DNHD1: variants seen among roughly 807,000 people sequenced by gnomAD.
DNHD1 encodes dynein heavy chain domain-containing protein 1.
In DNHD1, 383 loss-of-function variants were observed where a neutral mutation model predicts 458.1. That is an observed-to-expected ratio of 0.84 (90% CI 0.77 to 0.91). The LOEUF is 0.91. Among genes scored for constraint, DNHD1 ranks in the 40% least tolerant of loss-of-function variants. The pLI is 0.00. For missense variants in DNHD1, 5,336 were observed against 5,866.1 expected (o/e 0.91, Z 2.95); for synonymous variants, 2,203 against 2,376.9 (o/e 0.93, Z 2.13).
rs988854091 is a variant in DNHD1 at position 6,557,345 on chromosome 11, C to T, written c.8050C>T (p.Pro2684Ser). 1 of 1,551,356 alleles carries T rather than the reference C, an allele frequency of 6.4e-7. No individual in the cohort carries two copies. Among genetic ancestry groups the T allele is most frequent in the Non-Finnish European group, 8.7e-7 (1 of 1,147,042 alleles). Residue 2684 changes from proline (P) to serine (S), a missense_variant, in exon 25 of 43, where the codon CCA becomes TCA. Around this residue, in one of 4 missense-constraint regions of DNHD1, gnomAD observed 3,932 missense variants for 4,365.6 expected, o/e 0.90. Coordinates refer to ENST00000254579, the MANE Select transcript of DNHD1 (RefSeq NM_144666.3). ...AGCTCAAAGTGTCTTCTGCTGTGGGCCAGGGCCCCAGCACCTGGGCAAGGA... is the reference window on the plus strand; with the variant it reads ...AGCTCAAAGTGTCTTCTGCTGTGGGTCAGGGCCCCAGCACCTGGGCAAGGA... ...VVAQSVFCCG[P>S]GPQHLGKDHQ...
In DNHD1 at chr11:6,546,735, G is replaced by T; in HGVS notation, c.5796G>T (p.Leu1932Phe). The change falls in exon 21 of 43, where the codon TTG (leucine) becomes TTT (phenylalanine). Residue 1932 changes from leucine (L) to phenylalanine (F), a missense_variant. Around this residue, in one of 4 missense-constraint regions of DNHD1, gnomAD observed 3,932 missense variants for 4,365.6 expected, o/e 0.90. Transcript: ENST00000254579. ...ACCTGCACAACCTCCGAGGGCTGTT[G>T]TGTGCGCTTTTCCCTAGCGCCAGCC... ...GLHLHNLRGL[L>F]CALFPSASQV... 6.4e-7 allele frequency: 1 copy of T among 1,551,766 alleles called. No homozygotes were observed. Among genetic ancestry groups the T allele is most frequent in the South Asian group, 1.2e-5 (1 of 84,066 alleles).
chr11:6,571,501 G>C lies in DNHD1; in HGVS notation c.13911+78G>C. 6.8e-7 allele frequency: 1 copy of C among 1,471,218 alleles called. No individual in the cohort carries two copies. Among genetic ancestry groups the C allele is most frequent in the South Asian group, 1.4e-5 (1 of 71,718 alleles). The allele number at this position is 1,471,218 out of a possible 1,614,324, so 91.1% of individuals were successfully genotyped here. On this transcript the variant is annotated intron_variant, in intron 42 of 42. Transcript: ENST00000254579. The surrounding 1 kb of genome is among the most constrained non-coding windows in gnomAD (Gnocchi z 5.0). ...TTACACCTCGCAGTTACCCCTTCTT[G>C]GTGATCTTGCCCCCGGTAACCCTGC...
At chr11:6,559,324 C>A in intron 28 of DNHD1, 41 bp downstream of exon 28, 1 of 1,516,630 alleles carries the variant, frequency 6.6e-7, no homozygotes, top group Non-Finnish European at 8.9e-7. Context: ...GGTGTCAAAG[C>A]AGGAGCCCAA....
chr11:6,556,164 C>T (rs1318937434), intron 24 of DNHD1, among the ~76,000 whole-genome samples: 1 of 152,002 alleles, frequency 6.6e-6, no homozygotes, highest in Non-Finnish European at 1.5e-5. Flanking sequence ...TTTGTAGAAA[C>T]AAGGTCTTGC....
intron 24 of DNHD1, among the ~76,000 whole-genome samples, chr11:6,551,695 C>T (rs1345899653): frequency 6.6e-6 from 1 of 152,180 alleles, no homozygotes; most frequent in Non-Finnish European, 1.5e-5. Context: ...GTAATCCCGG[C>T]ACTTTGGGAG....
intron 32 of DNHD1, 145 bp downstream of exon 32, chr11:6,564,949 A>G: frequency 1.5e-6 from 1 of 687,094 alleles, no homozygotes; most frequent in Non-Finnish European, 2.4e-6. Context: ...CTATAGGAAC[A>G]AATTTGGTCA....
rs1436668336 is a variant in DNHD1 at position 6,559,221 on chromosome 11, G to A, written c.9457G>A (p.Glu3153Lys). ...GGAGAATCTGAGAATGCTGATTAAG[G>A]AGCACGGTACCCATGCCAATCTGAT... ...ALENLRMLIKEHGTHANLIFD... is the reference protein window; with the variant it reads ...ALENLRMLIKKHGTHANLIFD... The change falls in exon 28 of 43, where the codon GAG becomes AAG. Residue 3153 changes from glutamate (E) to lysine (K), a missense_variant. Transcript: ENST00000254579. 1 of 1,551,644 alleles carries A rather than the reference G, an allele frequency of 6.4e-7. No homozygotes were observed. Among genetic ancestry groups the A allele is most frequent in the Admixed American group, 2.0e-5 (1 of 50,994 alleles).
chr11:6,528,638 A>G lies in DNHD1; in HGVS notation c.1954A>G (p.Lys652Glu), dbSNP rs1421484481. 1.9e-6 allele frequency: 3 copies of G among 1,551,608 alleles called. No homozygotes were observed. The Admixed American group carries it at 5.9e-5, about 30-fold the overall frequency. The change falls in exon 11 of 43, where the codon AAG (lysine) becomes GAG (glutamate). Residue 652 changes from lysine (K) to glutamate (E), a missense_variant. By Grantham distance (56) the Lys-to-Glu change is moderately conservative. Around this residue, in one of 4 missense-constraint regions of DNHD1, gnomAD observed 3,932 missense variants for 4,365.6 expected, o/e 0.90. Transcript: ENST00000254579. ...GAATGTGGGATTGGTGTGGCCCTGGAAGTCTCACCCAATTGCTGGTATCTT... is the reference window on the plus strand; with the variant it reads ...GAATGTGGGATTGGTGTGGCCCTGGGAGTCTCACCCAATTGCTGGTATCTT... ...GPNVGLVWPW[K>E]SHPIAGILEV...
Position 6,498,591 on chromosome 11 carries a change from C to T in DNHD1, c.376C>T (p.Leu126=). 2.5e-6 allele frequency: 4 copies of T among 1,614,122 alleles called. No individual in the cohort carries two copies. Among genetic ancestry groups the T allele is most frequent in the East Asian group, 2.2e-5 (1 of 44,902 alleles). ...PWVQTHLHLD[L]LGAIVQAFPP... The stretch of plus-strand genomic sequence containing the variant: ...GGTCCAAACCCACCTCCATCTGGAC[C>T]TGCTAGGTGCCATTGTCCAGGCCTT... Residue 126 remains leucine, a synonymous_variant, in exon 3 of 43, where the codon CTG becomes TTG. Coordinates refer to ENST00000254579, the MANE Select transcript of DNHD1 (RefSeq NM_144666.3).
rs766844498 is a variant in DNHD1, at chr11:6,546,903, T to C, written c.5964T>C (p.Ile1988=). 2.3e-5 allele frequency: 36 copies of C among 1,551,574 alleles called. No individual in the cohort carries two copies. Among genetic ancestry groups the C allele is most frequent in the Non-Finnish European group, 3.1e-5 (35 of 1,146,978 alleles). The change falls in exon 21 of 43, where the codon ATT becomes ATC. Residue 1988 remains isoleucine, a synonymous_variant. Transcript: ENST00000254579. ...AGGCCCTGAGCCGGGCCTCAGGCAT[T>C]CTGCTCCTGGGCCCTGCGGGCAGCG... The part of the protein sequence containing the change: ...LSQALSRASG[I]LLLGPAGSGK...
At chr11:6,515,216 T>A (rs975365134) in intron 7 of DNHD1, among the ~76,000 whole-genome samples, 3 of 152,232 alleles carry the variant, frequency 2.0e-5, no homozygotes, top group Admixed American at 6.5e-5. Flanking sequence ...CTCCTGTATA[T>A]GTCAGTATGT....
chr11:6,520,335 A>C (rs1011604066), intron 10 of DNHD1, 46 bp downstream of exon 10: 17 of 1,551,392 alleles, frequency 1.1e-5, no homozygotes, highest in Non-Finnish European at 1.4e-5. Context: ...TGAAGGAGGG[A>C]AAGGGCACAA....
At position 6,545,909 on chromosome 11, in the gene DNHD1, G is replaced by C; in HGVS notation, c.4970G>C (p.Arg1657Thr). 1 of 1,551,804 alleles carries C rather than the reference G, an allele frequency of 6.4e-7. No individual in the cohort carries two copies. Reference protein sequence around the residue: ...FLYNYEYLGPRLGPLPSLLPE... With the variant: ...FLYNYEYLGPTLGPLPSLLPE... ...TACAATTACGAGTATCTGGGACCTA[G>C]ACTAGGGCCTCTACCCAGCCTACTG... The change falls in exon 21 of 43, where the codon AGA becomes ACA. Residue 1657 changes from arginine to threonine, a missense_variant. Physicochemically the swap from Arg to Thr is moderately conservative, Grantham distance 71. Around this residue, in one of 4 missense-constraint regions of DNHD1, gnomAD observed 3,932 missense variants for 4,365.6 expected, o/e 0.90. Transcript: ENST00000254579. The surrounding 1 kb of genome is among the most constrained non-coding windows in gnomAD (Gnocchi z 4.9).
intron 7 of DNHD1, among the ~76,000 whole-genome samples, chr11:6,512,475 G>A (rs1227066609): frequency 6.6e-6 from 1 of 151,886 alleles, no homozygotes; most frequent in Non-Finnish European, 1.5e-5. Flanking sequence ...GCCCACCTCG[G>A]CCTCCCAAAG....
chr11:6,571,072 C>T lies in DNHD1; in HGVS notation c.13560C>T (p.Arg4520=), dbSNP rs370029507. 72 of 1,584,272 alleles carry T rather than the reference C, an allele frequency of 4.5e-5. No homozygotes were observed. The highest frequency in any genetic ancestry group is 6.7e-5 in the African/African-American group (5 of 74,450). The part of the protein sequence containing the change: ...LKGAPPCPSR[R]CAAVAHALWT... ...GCGCACCCCCGTGCCCCTCCCGCCG[C>T]TGTGCTGCGGTGGCCCACGCTCTCT... The change falls in exon 42 of 43, where the codon CGC becomes CGT. Residue 4520 remains arginine, a synonymous_variant. Coordinates refer to ENST00000254579, the MANE Select transcript of DNHD1 (RefSeq NM_144666.3). The surrounding 1 kb of genome is among the most constrained non-coding windows in gnomAD (Gnocchi z 5.0).
At chr11:6,555,178 C>T (rs1853435376) in intron 24 of DNHD1, among the ~76,000 whole-genome samples, 1 of 151,648 alleles carries the variant, frequency 6.6e-6, no homozygotes, top group Non-Finnish European at 1.5e-5. Context: ...CTCCCTCCAT[C>T]CCTCCTCTCC....
rs1437441956 is a variant in DNHD1 at position 6,528,764 on chromosome 11, A to G, written c.2080A>G (p.Asn694Asp). 8 of 1,551,600 alleles carry G rather than the reference A, an allele frequency of 5.2e-6. No individual in the cohort carries two copies. The South Asian group carries it at 9.5e-5, about 18-fold the overall frequency. ...CAACCCTAAGATCCAGCAGGCACTG[A>G]ATATACAACAGGTGCTGCTGGAGGT... is the stretch of plus-strand genomic sequence containing the variant. ...DNNPKIQQAL[N>D]IQQVLLEGVL... Residue 694 changes from asparagine (N) to aspartate (D), a missense_variant, in exon 11 of 43, where the codon AAT becomes GAT. Physicochemically the swap from Asn to Asp is conservative, Grantham distance 23. This residue lies in a region of DNHD1 where 3,932 missense variants were observed against 4,365.6 expected (regional missense o/e 0.90). Transcript: ENST00000254579.
At position 6,563,944 on chromosome 11, in the gene DNHD1, G is replaced by GT. The variant is rs761821392; in HGVS notation, c.10107dup (p.Gln3370SerfsTer9). The GT allele has an allele frequency of 6.4e-7, 1 of 1,551,750 alleles. No individual in the cohort carries two copies. The highest frequency in any genetic ancestry group is 1.2e-5 in the South Asian group (1 of 84,070). ...AGCAGGCCCGCCTGGGCTACTACCA[G>GT]TTTCAGGCCCAGGAGACCCTGGAGC... On this transcript the variant is annotated frameshift_variant, in exon 31 of 43. Coordinates refer to ENST00000254579, the MANE Select transcript of DNHD1 (RefSeq NM_144666.3). LOFTEE classifies it high-confidence loss of function.
intron 28 of DNHD1, among the ~76,000 whole-genome samples, chr11:6,561,726 G>T (rs1276520410): frequency 1.3e-5 from 2 of 152,224 alleles, no homozygotes; most frequent in Non-Finnish European, 2.9e-5. Flanking sequence ...CATGACAGTT[G>T]ATGCCTGAAA....
Sources: gnomAD v4.1 joint callset for allele counts (sites outside exome capture counted in the v4.1 genomes callset) on GRCh38, gnomAD v4.1.1 for gene constraint, gnomAD v4.1.1 regional missense constraint, Gnocchi (gnomAD v3.1) non-coding constraint, MANE v1.5 for transcripts, NCBI Gene and HGNC (gene_info 2026-07-23, HGNC 2026-07-21) for gene names.